Variants in ASTN1 observed in about 807,000 individuals in gnomAD.
ASTN1 encodes astrotactin 1.
In ASTN1, 41 loss-of-function variants were observed where a neutral mutation model predicts 140.7. The observed-to-expected ratio is 0.29, with a 90% CI of 0.23 to 0.38. ASTN1 has a LOEUF of 0.38. Ranked by LOEUF, ASTN1 falls within the 10% of genes least tolerant of loss-of-function variation. ASTN1 has a pLI of 1.00. For missense variants in ASTN1, 1,479 were observed against 1,678.8 expected, an observed-to-expected ratio of 0.88 and a Z score of 2.08; for synonymous variants, 640 against 652.2, an observed-to-expected ratio of 0.98 and a Z score of 0.29.
At chr1:176,976,519 T>C (rs1673370652) in intron 8 of ASTN1, 2 of 152,210 alleles carry the variant, frequency 1.3e-5, no homozygotes, top group Admixed American at 6.5e-5. Flanking sequence ...TCACCATGGC[T>C]GGGGTTTTGT....
At chr1:177,040,094 C>T (rs1676902230) in intron 2 of ASTN1, among the ~76,000 whole-genome samples, 1 of 152,254 alleles carries the variant, frequency 6.6e-6, no homozygotes, top group Non-Finnish European at 1.5e-5. Flanking sequence ...CTGGCAGGTT[C>T]TCTTTTCTGT....
chr1:177,010,201 C>T (rs1299053451), intron 8 of ASTN1, among the ~76,000 whole-genome samples: 3 of 152,088 alleles, frequency 2.0e-5, no homozygotes, highest in Non-Finnish European at 4.4e-5. Flanking sequence ...TCCAATTTGT[C>T]CTTGTTGTCC....
Position 177,029,793 on chromosome 1 carries a change from A to C in ASTN1, c.1013-52T>G, listed in dbSNP as rs1471425924. On this transcript the variant is annotated intron_variant, in intron 4 of 22. Coordinates refer to ENST00000361833, the MANE Select transcript of ASTN1 (RefSeq NM_004319.3). ...AAGCGTTTTCAGTTCTGGTTTCATG[A>C]CACCAAACCTTTGGGCAAGTTCAAT... is the stretch of plus-strand genomic sequence containing the variant. 3 of 1,515,164 alleles carry C rather than the reference A, an allele frequency of 2.0e-6. No individual in the cohort carries two copies. The Admixed American group carries it at 5.8e-5, about 29-fold the overall frequency. 93.9% of individuals were successfully genotyped at this position (1,515,164 alleles called of 1,614,324 possible). A position where few individuals can be genotyped will look rare whatever the true frequency, so the allele number is the denominator to read the frequency against.
At chr1:177,152,342 G>A (rs573027435) in intron 1 of ASTN1, among the ~76,000 whole-genome samples, 4 of 152,076 alleles carry the variant, frequency 2.6e-5, no homozygotes, top group East Asian at 1.9e-4. Flanking sequence ...TGTGGTTTAC[G>A]TGTATAGCAT....
intron 16 of ASTN1, among the ~76,000 whole-genome samples, chr1:176,910,676 T>C (rs1670196947): frequency 6.6e-6 from 1 of 152,198 alleles, no homozygotes; most frequent in Admixed American, 6.5e-5. Flanking sequence ...TGGTATAGCC[T>C]GCCACACACC....
At chr1:177,035,496 A>G (rs1676670492) in intron 2 of ASTN1, among the ~76,000 whole-genome samples, 1 of 152,256 alleles carries the variant, frequency 6.6e-6, no homozygotes, top group African/African-American at 2.4e-5. Context: ...AACGACCTTT[A>G]GTAAGCACCT....
intron 14 of ASTN1, 82 bp downstream of exon 14, chr1:176,943,805 ATAAG>A: frequency 6.9e-7 from 1 of 1,456,502 alleles, no homozygotes; most frequent in South Asian, 1.5e-5. Flanking sequence ...AGAAACCAAA[ATAAG>A]TGAGGTCAAA....
chr1:177,104,909 T>C (rs16850728), intron 1 of ASTN1, among the ~76,000 whole-genome samples: 4,630 of 152,290 alleles, frequency 0.03, 114 homozygotes, highest in East Asian at 0.11. Context: ...ACTGTTATCC[T>C]TTCTTGATCA....
chr1:176,887,956 A>T, intron 18 of ASTN1, 115 bp downstream of exon 18: 1 of 1,409,062 alleles, frequency 7.1e-7, no homozygotes, highest in Non-Finnish European at 9.7e-7. Context: ...CTCTAAAGGC[A>T]GGTATTGTGT....
chr1:177,054,236 A>T (rs757190778), intron 2 of ASTN1, among the ~76,000 whole-genome samples: 5 of 152,168 alleles, frequency 3.3e-5, no homozygotes, highest in Non-Finnish European at 5.9e-5. Context: ...GTAATAACAA[A>T]CCCTACTTTA....
chr1:177,146,918 C>T (rs895361709), intron 1 of ASTN1, among the ~76,000 whole-genome samples: 1 of 152,166 alleles, frequency 6.6e-6, no homozygotes, highest in African/African-American at 2.4e-5. Flanking sequence ...AAAGTGCTTT[C>T]TGTGTGTACC....
intron 1 of ASTN1, among the ~76,000 whole-genome samples, chr1:177,160,060 G>A (rs1158212611): frequency 6.6e-6 from 1 of 152,214 alleles, no homozygotes; most frequent in Non-Finnish European, 1.5e-5. Flanking sequence ...AACTAGGTGA[G>A]TGTGCTTTCC....
In ASTN1 at chr1:176,970,629, A is replaced by G. The variant is rs903172966; in HGVS notation, c.1524-5392T>C. ...TAGACAGACAGACAGACAGATAGATAGATAAAAGAAAGCAAGAAAGAAGGA... is the reference window on the plus strand; with the variant it reads ...TAGACAGACAGACAGACAGATAGATGGATAAAAGAAAGCAAGAAAGAAGGA... On this transcript the variant is annotated intron_variant, in intron 8 of 22. Transcript: ENST00000361833. Among the ~76,000 whole-genome samples, 19 of 152,140 alleles carry G rather than the reference A, an allele frequency of 1.2e-4. 1 individual carries two copies.
intron 16 of ASTN1, among the ~76,000 whole-genome samples, chr1:176,897,043 A>C (rs1477485150): frequency 6.6e-6 from 1 of 152,144 alleles, no homozygotes; most frequent in Non-Finnish European, 1.5e-5. Flanking sequence ...TTGGGAGGCC[A>C]AGGCGGGTGG....
Position 177,032,345 on chromosome 1 carries a change from CACAT to C in ASTN1, c.865+107_865+110del, listed in dbSNP as rs1676482965. 2.8e-6 allele frequency: 4 copies of C among 1,410,772 alleles called. No homozygotes were observed. In the South Asian group the frequency reaches 4.0e-5, roughly 14 times the overall value. The allele number at this position is 1,410,772 out of a possible 1,614,324, so 87.4% of individuals were successfully genotyped here. On this transcript the variant is annotated intron_variant, in intron 3 of 22. Coordinates refer to ENST00000361833, the MANE Select transcript of ASTN1 (RefSeq NM_004319.3). The stretch of plus-strand genomic sequence containing the variant: ...TTGCCTATCTAGGGAAGGGCACTGC[CACAT>C]CACACTATGTAGGACAACCAGCTGT...
rs1243014744 is a variant in ASTN1 at position 176,965,240 on chromosome 1, A to G, written c.1524-3T>C. ...GAAATATTGTGTAAGGCCATGGCCT[A>G]AAAGAAGAAACATCATTCAATTAAA... is the stretch of plus-strand genomic sequence containing the variant. On this transcript the variant is annotated splice_region_variant and splice_polypyrimidine_tract_variant and intron_variant, in intron 8 of 22. Coordinates refer to ENST00000361833, the MANE Select transcript of ASTN1 (RefSeq NM_004319.3). The G allele has an allele frequency of 6.8e-6, 11 of 1,613,420 alleles. No individual in the cohort carries two copies. The highest frequency in any genetic ancestry group is 8.5e-6 in the Non-Finnish European group (10 of 1,179,542).
intron 8 of ASTN1, among the ~76,000 whole-genome samples, chr1:177,012,719 G>C (rs1675351110): frequency 6.6e-6 from 1 of 152,184 alleles, no homozygotes; most frequent in South Asian, 2.1e-4. Context: ...CAATTATCAA[G>C]TGAAGTCAGG....
chr1:177,150,722 G>A (rs1448397418), intron 1 of ASTN1, among the ~76,000 whole-genome samples: 2 of 152,138 alleles, frequency 1.3e-5, no homozygotes, highest in Non-Finnish European at 2.9e-5. Context: ...TGAAGGCGGA[G>A]TTGCAGGAGT....
intron 3 of ASTN1, among the ~76,000 whole-genome samples, chr1:177,031,219 T>C (rs1676423783): frequency 6.6e-6 from 1 of 152,222 alleles, no homozygotes; most frequent in Non-Finnish European, 1.5e-5. Flanking sequence ...ATATTCTGTA[T>C]TGATAAGGTC....
Sources: allele counts gnomAD v4.1 joint callset (sites outside exome capture counted in the v4.1 genomes callset), GRCh38; gene constraint gnomAD v4.1.1; transcripts MANE v1.5; gene names NCBI Gene and HGNC (gene_info 2026-07-23, HGNC 2026-07-21).